Variants in SIL1 observed in about 807,000 individuals in gnomAD.
SIL1 encodes the protein nucleotide exchange factor SIL1.
SIL1 carries 40 observed loss-of-function variants against 49.1 expected under a neutral mutation model. The ratio of observed to expected loss-of-function variants is 0.81; its 90% CI spans 0.63 to 1.06. SIL1 has a LOEUF of 1.06. Among genes scored for constraint, SIL1 ranks in the 50% least tolerant of loss-of-function variants. The pLI is 0.00. For missense variants in SIL1, 500 were observed against 572.6 expected, an observed-to-expected ratio of 0.87 and a Z score of 1.29; for synonymous variants, 253 against 250.8, an observed-to-expected ratio of 1.01 and a Z score of -0.08.
intron 3 of SIL1, among the ~76,000 whole-genome samples, chr5:139,085,371 A>C (rs1169673711): frequency 6.6e-6 from 1 of 152,208 alleles, no homozygotes; most frequent in African/African-American, 2.4e-5. Flanking sequence ...TCTTCAGGGA[A>C]AAATCTTGTG....
intron 2 of SIL1, among the ~76,000 whole-genome samples, chr5:139,127,115 C>A (rs1750769600): frequency 1.3e-5 from 2 of 152,172 alleles, no homozygotes; most frequent in African/African-American, 4.8e-5. Context: ...ATGGCAGAAG[C>A]CCTGAGCAGT....
chr5:139,105,961 G>A (rs764425516), intron 3 of SIL1, among the ~76,000 whole-genome samples: 63 of 152,342 alleles, frequency 4.1e-4, no homozygotes, highest in East Asian at 1.9e-4. Context: ...CTCTGCAAGC[G>A]AAGCCGTGCC....
intron 3 of SIL1, among the ~76,000 whole-genome samples, chr5:139,081,234 G>T (rs1168515738): frequency 6.6e-6 from 1 of 152,152 alleles, no homozygotes; most frequent in Non-Finnish European, 1.5e-5. Flanking sequence ...AAAACAATTA[G>T]ATGTGGCCTG....
chr5:138,952,372 C>T (rs559335552), intron 7 of SIL1, among the ~76,000 whole-genome samples: 2 of 152,192 alleles, frequency 1.3e-5, no homozygotes, highest in African/African-American at 2.4e-5. Flanking sequence ...TCTCCTGGGT[C>T]GGCACTCAGA....
At chr5:138,993,124 G>C (rs910672579) in intron 7 of SIL1, among the ~76,000 whole-genome samples, 1 of 152,088 alleles carries the variant, frequency 6.6e-6, no homozygotes, top group African/African-American at 2.4e-5. Context: ...CTACGTTTTG[G>C]CCAACAGATT....
chr5:139,071,361 A>T (rs1769830888), intron 3 of SIL1, among the ~76,000 whole-genome samples: 1 of 152,196 alleles, frequency 6.6e-6, no homozygotes, highest in African/African-American at 2.4e-5. Context: ...CAATTATTGT[A>T]AAAATCAGGA....
intron 7 of SIL1, among the ~76,000 whole-genome samples, chr5:138,994,856 G>GC (rs1767829400): frequency 2.0e-5 from 3 of 151,938 alleles, no homozygotes; most frequent in Admixed American, 2.0e-4. Context: ...CCCACCTCTT[G>GC]CCCCCCAGCC....
At chr5:139,060,174 T>C (rs772472679) in intron 3 of SIL1, among the ~76,000 whole-genome samples, 2 of 152,216 alleles carry the variant, frequency 1.3e-5, no homozygotes, top group Admixed American at 6.5e-5. Context: ...TTGGCTTAAC[T>C]GTTTATTTGG....
At chr5:139,038,613 C>G (rs756274724) in intron 5 of SIL1, among the ~76,000 whole-genome samples, 1 of 152,210 alleles carries the variant, frequency 6.6e-6, no homozygotes, top group Non-Finnish European at 1.5e-5. Flanking sequence ...TAGCTCTCCT[C>G]TCTCCCAAAT....
At chr5:138,980,738 G>C (rs925247385) in intron 7 of SIL1, among the ~76,000 whole-genome samples, 3 of 152,202 alleles carry the variant, frequency 2.0e-5, no homozygotes, top group Non-Finnish European at 4.4e-5. Context: ...AGAAAGGGTG[G>C]TATCTATTTT....
At chr5:139,181,078 A>G (rs564071830) in intron 1 of SIL1, among the ~76,000 whole-genome samples, 1 of 152,370 alleles carries the variant, frequency 6.6e-6, no homozygotes, top group South Asian at 2.1e-4. Flanking sequence ...CTATTATGCC[A>G]TTATAATAAC....
intron 4 of SIL1, among the ~76,000 whole-genome samples, chr5:139,050,375 T>C (rs1050703983): frequency 1.3e-5 from 2 of 152,202 alleles, no homozygotes; most frequent in African/African-American, 2.4e-5. Flanking sequence ...AAAAGAAAAA[T>C]AGTGACACTG....
chr5:139,033,718 G>A (rs1012102136), intron 5 of SIL1, among the ~76,000 whole-genome samples: 1 of 151,994 alleles, frequency 6.6e-6, no homozygotes, highest in African/African-American at 2.4e-5. Context: ...AAACTGTTGA[G>A]ATCTGTTTGA....
At chr5:138,952,491 G>A (rs1315680135) in intron 7 of SIL1, among the ~76,000 whole-genome samples, 1 of 152,216 alleles carries the variant, frequency 6.6e-6, no homozygotes, top group African/African-American at 2.4e-5. Context: ...GCCTCCCACT[G>A]GGCTCCCACT....
chr5:139,034,849 T>G (rs1314637762), intron 5 of SIL1, among the ~76,000 whole-genome samples: 1 of 152,234 alleles, frequency 6.6e-6, no homozygotes, highest in Non-Finnish European at 1.5e-5. Flanking sequence ...GCCACACTGT[T>G]TTCCACAATG....
intron 1 of SIL1, among the ~76,000 whole-genome samples, chr5:139,183,645 G>GT (rs35965843): frequency 6.6e-6 from 1 of 152,154 alleles, no homozygotes; most frequent in Non-Finnish European, 1.5e-5. Flanking sequence ...GTTAAAATGG[G>GT]TTTTTTCAAA....
chr5:138,978,803 C>T (rs780198437), intron 7 of SIL1, among the ~76,000 whole-genome samples: 51 of 152,316 alleles, frequency 3.3e-4, no homozygotes, highest in South Asian at 6.2e-4. Flanking sequence ...ACTTACTGCA[C>T]ATTTGCATTA....
chr5:138,988,142 A>G (rs1386246112), intron 7 of SIL1, among the ~76,000 whole-genome samples: 1 of 152,058 alleles, frequency 6.6e-6, no homozygotes, highest in East Asian at 1.9e-4. Flanking sequence ...CAAGTTTTTT[A>G]CTTTTTACTT....
chr5:139,073,797 G>A (rs1248840817), intron 3 of SIL1, among the ~76,000 whole-genome samples: 1 of 151,754 alleles, frequency 6.6e-6, no homozygotes, highest in Non-Finnish European at 1.5e-5. Flanking sequence ...TTGGTGGTGG[G>A]CACCTATAAT....
Sources: allele counts gnomAD v4.1 joint callset (sites outside exome capture counted in the v4.1 genomes callset), GRCh38; gene constraint gnomAD v4.1.1; transcripts MANE v1.5; gene names NCBI Gene and HGNC (gene_info 2026-07-23, HGNC 2026-07-21).